Variants in CHID1 observed in about 807,000 individuals in gnomAD.
CHID1 encodes the protein chitinase domain-containing protein 1.
In CHID1, 44 loss-of-function variants were observed where a neutral mutation model predicts 55.4. The observed-to-expected ratio is 0.79, with a 90% CI of 0.62 to 1.02. The LOEUF (loss-of-function observed/expected upper bound fraction) is 1.02, where lower values mean the gene tolerates loss of function less well. Among genes scored for constraint, CHID1 ranks in the 50% least tolerant of loss-of-function variants. The probability of loss-of-function intolerance (pLI) is 0.00; values close to 1 mark genes in which losing one functional copy is unlikely to be tolerated. For missense variants in CHID1, 491 were observed against 515.3 expected, an observed-to-expected ratio of 0.95 and a Z score of 0.46; for synonymous variants, 216 against 212.9, an observed-to-expected ratio of 1.01 and a Z score of -0.13.
In CHID1 at chr11:900,875, C is replaced by T. The variant is rs1327449084; in HGVS notation, c.439+61G>A. ...AGGAACACGTGGAGACCCCAGTGCC[C>T]ACCTGTCCACCCCCGCAGTTTGAGC... On this transcript the variant is annotated intron_variant, in intron 5 of 12. Transcript: ENST00000323578. 7 of 1,453,252 alleles carry T rather than the reference C, an allele frequency of 4.8e-6. No individual in the cohort carries two copies. In the Admixed American group the frequency reaches 9.4e-5, roughly 20 times the overall value. 90.0% of individuals were successfully genotyped at this position (1,453,252 alleles called of 1,614,324 possible). A position where few individuals can be genotyped will look rare whatever the true frequency, so the allele number is the denominator to read the frequency against.
At chr11:902,433 G>C in intron 3 of CHID1, 103 bp from the exon 4 acceptor site, 1 of 1,338,256 alleles carries the variant, frequency 7.5e-7, no homozygotes, top group Admixed American at 1.9e-5. Flanking sequence ...GGGCTGGCCA[G>C]CGTAGACAGA....
At chr11:913,374 C>T (rs553617019), upstream of CHID1, among the ~76,000 whole-genome samples, 4 of 152,182 alleles carry the variant, frequency 2.6e-5, no homozygotes, top group East Asian at 7.7e-4. Flanking sequence ...ACCTAAAGCA[C>T]GCAAAAAGGA....
upstream of CHID1, chr11:914,905 C>G: frequency 3.3e-6 from 1 of 300,022 alleles, no homozygotes. Context: ...GTGGCAGCCT[C>G]GTGACTCTGT....
chr11:899,251 C>T lies in CHID1; in HGVS notation c.608+89G>A, dbSNP rs571111644. 4.5e-5 allele frequency: 58 copies of T among 1,295,680 alleles called. No individual in the cohort carries two copies. The African/African-American group carries it at 7.3e-4, about 16-fold the overall frequency. The allele number at this position is 1,295,680 out of a possible 1,614,324, so 80.3% of individuals were successfully genotyped here. On this transcript the variant is annotated intron_variant, in intron 7 of 12. Coordinates refer to ENST00000323578, the MANE Select transcript of CHID1 (RefSeq NM_023947.4). ...AGGCACAGGGACTGTGGAAGGAAGG[C>T]CCTCCCCAAACCCCTGGTCTTTCCT...
chr11:912,995 C>T (rs1179357489), upstream of CHID1, among the ~76,000 whole-genome samples: 4 of 152,258 alleles, frequency 2.6e-5, no homozygotes, highest in Middle Eastern at 0.01. Context: ...GAACACATTT[C>T]GTATTTTATG....
intron 9 of CHID1, 106 bp downstream of exon 9, chr11:883,962 C>T: frequency 2.2e-6 from 2 of 892,658 alleles, no homozygotes; most frequent in Middle Eastern, 2.4e-4. Context: ...GTGCACAGAA[C>T]CACAGGCAAG....
chr11:887,734 T>A (rs1050914556), intron 8 of CHID1, among the ~76,000 whole-genome samples: 1 of 152,144 alleles, frequency 6.6e-6, no homozygotes, highest in African/African-American at 2.4e-5. Context: ...CACGCTGCTA[T>A]CAGACATGTG....
At chr11:890,612 C>T (rs1321513659) in intron 8 of CHID1, among the ~76,000 whole-genome samples, 2 of 152,224 alleles carry the variant, frequency 1.3e-5, no homozygotes, top group African/African-American at 2.4e-5. Flanking sequence ...ACACAAGGGG[C>T]CAACTAGAGA....
intron 3 of CHID1, 138 bp from the exon 4 acceptor site, chr11:902,468 C>A (rs1051252192): frequency 2.6e-5 from 24 of 925,812 alleles, no homozygotes; most frequent in Non-Finnish European, 3.9e-5. Context: ...GACATCAGCT[C>A]CTGGCCTGGG....
chr11:893,616 C>T, intron 7 of CHID1, 97 bp from the exon 8 acceptor site: 1 of 973,216 alleles, frequency 1.0e-6, no homozygotes, highest in South Asian at 1.7e-5. Flanking sequence ...TGGGGCTGGT[C>T]CCCAGCCTGA....
chr11:871,163 G>T (rs1329163578), intron 10 of CHID1, among the ~76,000 whole-genome samples: 1 of 151,996 alleles, frequency 6.6e-6, no homozygotes, highest in Non-Finnish European at 1.5e-5. Flanking sequence ...ACTAATTTTT[G>T]TTATTTTTTA....
upstream of CHID1, among the ~76,000 whole-genome samples, chr11:914,077 A>G (rs964863051): frequency 6.1e-4 from 93 of 152,120 alleles, 3 homozygotes; most frequent in Admixed American, 2.0e-4. Flanking sequence ...CAAAAAAAAA[A>G]AAAAAGTGAC....
intron 1 of CHID1, chr11:910,516 G>T: frequency 2.6e-6 from 2 of 778,254 alleles, no homozygotes; most frequent in Non-Finnish European, 3.2e-6. Flanking sequence ...CCCGACACGC[G>T]CCCCCGTCCA....
At chr11:892,119 A>AAAAAAGAAAAAG (rs1850883781) in intron 8 of CHID1, among the ~76,000 whole-genome samples, 2 of 152,098 alleles carry the variant, frequency 1.3e-5, no homozygotes, top group Non-Finnish European at 2.9e-5. Flanking sequence ...TATCTCAAAA[A>AAAAAAGAAAAAG]AAAAGAAAAA....
chr11:908,047 AG>A (rs1447735892), intron 1 of CHID1, among the ~76,000 whole-genome samples: 7 of 152,140 alleles, frequency 4.6e-5, no homozygotes, highest in African/African-American at 1.7e-4. Flanking sequence ...GGCTACCCCC[AG>A]GCAGGGAGTT....
rs1047852206 is a variant in CHID1 at position 910,777 on chromosome 11, G to T, written c.-46C>A. On this transcript the variant is annotated splice_region_variant and 5_prime_UTR_variant, in exon 1 of 13. Transcript: ENST00000323578. The stretch of plus-strand genomic sequence containing the variant: ...GGGCCGGCCGCCGCGGGGCTCACCT[G>T]CATGTCAGGGAGGCCGGACGGCCAC... The T allele has an allele frequency of 1.8e-6, 2 of 1,136,724 alleles. No homozygotes were observed. Among genetic ancestry groups the T allele is most frequent in the Non-Finnish European group, 2.2e-6 (2 of 917,486 alleles). 70.4% of individuals were successfully genotyped at this position (1,136,724 alleles called of 1,614,324 possible).
At chr11:898,230 G>A (rs543704140) in intron 7 of CHID1, among the ~76,000 whole-genome samples, 2 of 152,216 alleles carry the variant, frequency 1.3e-5, no homozygotes, top group African/African-American at 4.8e-5. Flanking sequence ...GCAGAGCCTG[G>A]ACCTGCAGCT....
chr11:889,811 G>T (rs560063931), intron 8 of CHID1, among the ~76,000 whole-genome samples: 2 of 152,302 alleles, frequency 1.3e-5, no homozygotes, highest in East Asian at 3.9e-4. Flanking sequence ...TGGCATCACT[G>T]TCCCTGCAAT....
At position 875,591 on chromosome 11, in the gene CHID1, C is replaced by G. The variant is rs932632664; in HGVS notation, c.960-5092G>C. 1.3e-5 allele frequency among the ~76,000 whole-genome samples: 2 copies of G among 152,246 alleles called. No individual in the cohort carries two copies. Among genetic ancestry groups the G allele is most frequent in the East Asian group, 3.9e-4 (2 of 5,184 alleles). ...ACACGGTGAGCATGAGGCCGGGGAT[C>G]GGGGCTGGGGTTGCTGAAACTCTTA... On this transcript the variant is annotated intron_variant, in intron 10 of 12. Coordinates refer to ENST00000323578, the MANE Select transcript of CHID1 (RefSeq NM_023947.4). This position sits in a 1 kb window ranked among gnomAD's most constrained non-coding sequence, Gnocchi z 4.7.
Sources: gnomAD v4.1 joint callset for allele counts (sites outside exome capture counted in the v4.1 genomes callset) on GRCh38, gnomAD v4.1.1 for gene constraint, Gnocchi (gnomAD v3.1) non-coding constraint, MANE v1.5 for transcripts, NCBI Gene and HGNC (gene_info 2026-07-23, HGNC 2026-07-21) for gene names.